The following SYCP1 variants were observed in gnomAD, a reference collection of about 807,000 sequenced individuals.
The protein encoded by SYCP1 is synaptonemal complex protein 1.
SYCP1 carries 64 observed loss-of-function variants against 153.1 expected under a neutral mutation model. The observed-to-expected ratio is 0.42, with a 90% CI of 0.34 to 0.51. The LOEUF (loss-of-function observed/expected upper bound fraction) is 0.51. SYCP1 is among the 20% of genes least tolerant of loss of function. The probability of loss-of-function intolerance (pLI) is 0.06; values close to 1 mark genes in which losing one functional copy is unlikely to be tolerated. For synonymous variants in SYCP1, 384 were observed against 341.8 expected, an observed-to-expected ratio of 1.12 and a Z score of -1.36; for missense variants, 997 against 1,049.0, an observed-to-expected ratio of 0.95 and a Z score of 0.68.
chr1:114,871,577 G>A (rs143737746), intron 8 of SYCP1, among the ~76,000 whole-genome samples: 2,083 of 151,798 alleles, frequency 0.014, 22 homozygotes, highest in Non-Finnish European at 0.021. Context: ...TTGTTTGTCT[G>A]TTTTTTGTTT....
At chr1:114,983,414 C>T (rs908553038) in intron 29 of SYCP1, among the ~76,000 whole-genome samples, 1 of 151,962 alleles carries the variant, frequency 6.6e-6, no homozygotes, top group Admixed American at 6.6e-5. Flanking sequence ...CTACTTCACA[C>T]ACACACCAAG....
At chr1:114,927,141 T>C (rs1043712555) in intron 23 of SYCP1, among the ~76,000 whole-genome samples, 2 of 152,064 alleles carry the variant, frequency 1.3e-5, no homozygotes, top group Middle Eastern at 3.4e-3. Context: ...GAAGGAAACA[T>C]AAAAATCTTA....
chr1:114,983,229 G>A (rs1673279745), intron 29 of SYCP1, among the ~76,000 whole-genome samples: 1 of 151,884 alleles, frequency 6.6e-6, no homozygotes, highest in Admixed American at 6.6e-5. Flanking sequence ...CATATGCGTG[G>A]CCTTCTATAT....
chr1:114,922,124 A>G (rs1414621768), intron 20 of SYCP1, among the ~76,000 whole-genome samples: 4 of 152,164 alleles, frequency 2.6e-5, no homozygotes, highest in Non-Finnish European at 4.4e-5. Flanking sequence ...TGGTTTAAAT[A>G]TAGTTGGTAT....
intron 23 of SYCP1, among the ~76,000 whole-genome samples, chr1:114,937,638 T>A (rs1413127923): frequency 6.6e-6 from 1 of 152,030 alleles, no homozygotes; most frequent in Non-Finnish European, 1.5e-5. Flanking sequence ...ATTTTTACAA[T>A]CTACCCATCT....
rs530309459 is a variant in SYCP1 at position 114,989,010 on chromosome 1, T to TA, written c.2703+4143dup. 3.2e-4 allele frequency among the ~76,000 whole-genome samples: 49 copies of TA among 151,678 alleles called. No individual in the cohort carries two copies. The East Asian group carries it at 8.2e-3, about 25-fold the overall frequency. On this transcript the variant is annotated intron_variant, in intron 30 of 31. Coordinates refer to ENST00000369522, the MANE Select transcript of SYCP1 (RefSeq NM_003176.4). The stretch of plus-strand genomic sequence containing the variant: ...AATGAGATCCTGTCTCTACAAAAAA[T>TA]ATGGAAATTAGTCAGGCATTGTGGT...
chr1:114,969,073 C>T (rs756010983), intron 27 of SYCP1, among the ~76,000 whole-genome samples: 5 of 152,128 alleles, frequency 3.3e-5, no homozygotes, highest in East Asian at 1.9e-4. Flanking sequence ...GAGGGGCACT[C>T]GCCAGATACC....
Position 114,926,545 on chromosome 1 carries a change from G to A in SYCP1, c.1908G>A (p.Leu636=), listed in dbSNP as rs751758424. ...KKKGTAESKQ[L]NVYEIKVNKL... is the part of the protein sequence containing the mutation. The stretch of plus-strand genomic sequence containing the variant: ...AAGGTACAGCAGAAAGCAAGCAACT[G>A]AATGTTTATGAGATAAAGGTATTTG... The change falls in exon 23 of 32, where the codon CTG becomes CTA. Residue 636 remains leucine, a synonymous_variant. Transcript: ENST00000369522. 6.3e-7 allele frequency: 1 copy of A among 1,594,642 alleles called. No individual in the cohort carries two copies. The highest frequency in any genetic ancestry group is 1.1e-5 in the South Asian group (1 of 87,646).
intron 29 of SYCP1, among the ~76,000 whole-genome samples, chr1:114,983,647 A>G (rs552254423): frequency 1.3e-5 from 2 of 152,156 alleles, no homozygotes; most frequent in African/African-American, 4.8e-5. Context: ...ACATAGAGCT[A>G]GAGCAGGGGA....
chr1:114,859,352 GCTGGGATTACAGGCGTGAGCCA>G (rs1328422436), intron 6 of SYCP1, among the ~76,000 whole-genome samples: 2 of 152,184 alleles, frequency 1.3e-5, no homozygotes, highest in Non-Finnish European at 2.9e-5. Flanking sequence ...CTCCCAAAGT[GCTGGGATTACAGGCGTGAGCCA>G]CTGCTCCCGG....
intron 8 of SYCP1, among the ~76,000 whole-genome samples, chr1:114,865,329 A>G (rs1196428806): frequency 6.6e-6 from 1 of 152,166 alleles, no homozygotes; most frequent in Non-Finnish European, 1.5e-5. Flanking sequence ...TAGTTCATTG[A>G]ATGTTCAGCA....
At chr1:114,938,199 A>G (rs1322235017) in intron 23 of SYCP1, among the ~76,000 whole-genome samples, 1 of 152,184 alleles carries the variant, frequency 6.6e-6, no homozygotes, top group Admixed American at 6.5e-5. Flanking sequence ...CATATACACC[A>G]TGGAATACTA....
At chr1:114,930,808 T>A (rs1669582759) in intron 23 of SYCP1, among the ~76,000 whole-genome samples, 1 of 151,696 alleles carries the variant, frequency 6.6e-6, no homozygotes. Context: ...TCCATCTGAA[T>A]AAAAGAAAAT....
At chr1:114,903,049 A>G (rs1667577183) in intron 16 of SYCP1, among the ~76,000 whole-genome samples, 1 of 152,096 alleles carries the variant, frequency 6.6e-6, no homozygotes, top group South Asian at 2.1e-4. Flanking sequence ...GCGTGGTGGC[A>G]GTGTGACTAT....
intron 8 of SYCP1, among the ~76,000 whole-genome samples, chr1:114,861,973 G>A (rs1273449827): frequency 6.6e-6 from 1 of 151,088 alleles, no homozygotes; most frequent in Non-Finnish European, 1.5e-5. Context: ...CTAATTTTTT[G>A]TATTTTTAGT....
chr1:114,870,115 G>A (rs1318769832), intron 8 of SYCP1, among the ~76,000 whole-genome samples: 1 of 152,138 alleles, frequency 6.6e-6, no homozygotes, highest in Non-Finnish European at 1.5e-5. Context: ...CTGGGCTCAA[G>A]CGATCTTCTT....
chr1:114,876,843 A>G, intron 11 of SYCP1, 33 bp downstream of exon 11: 1 of 1,208,580 alleles, frequency 8.3e-7, no homozygotes, highest in Non-Finnish European at 1.1e-6. Context: ...TGTATTCTTT[A>G]TATTTGCTAA....
intron 2 of SYCP1, among the ~76,000 whole-genome samples, chr1:114,855,907 AG>A (rs1663906232): frequency 6.6e-6 from 1 of 152,234 alleles, no homozygotes; most frequent in Admixed American, 6.5e-5. Context: ...AAAATTATCA[AG>A]AAAAATGAGG....
At chr1:114,961,381 A>G (rs901240866) in intron 27 of SYCP1, among the ~76,000 whole-genome samples, 2 of 151,796 alleles carry the variant, frequency 1.3e-5, no homozygotes, top group Non-Finnish European at 2.9e-5. Context: ...CTTCTGCTGA[A>G]TTTGGGTTTG....
Sources: allele counts gnomAD v4.1 joint callset (sites outside exome capture counted in the v4.1 genomes callset), GRCh38; gene constraint gnomAD v4.1.1; transcripts MANE v1.5; gene names NCBI Gene and HGNC (gene_info 2026-07-23, HGNC 2026-07-21).